The following PCSK5 variants were observed in gnomAD, a reference collection of about 807,000 sequenced individuals.
PCSK5 encodes prohormone convertase 5.
A neutral mutation model predicts 233.2 loss-of-function variants in PCSK5; 129 were observed. That is an observed-to-expected ratio of 0.55 (90% CI 0.48 to 0.64). PCSK5 has a LOEUF of 0.64. Among genes scored for constraint, PCSK5 ranks in the 30% least tolerant of loss-of-function variants. The pLI, the probability that PCSK5 is intolerant of heterozygous loss-of-function variation, is 0.00. For missense variants in PCSK5, 2,076 were observed against 2,430.1 expected (o/e 0.85, Z 3.06); for synonymous variants, 825 against 879.2 (o/e 0.94, Z 1.09).
At chr9:76,246,441 T>G (rs1826600660) in intron 24 of PCSK5, among the ~76,000 whole-genome samples, 1 of 151,850 alleles carries the variant, frequency 6.6e-6, no homozygotes, top group African/African-American at 2.4e-5. Context: ...TAGGCAAGGT[T>G]GTAGGAAAGC....
intron 5 of PCSK5, among the ~76,000 whole-genome samples, chr9:76,064,131 A>G (rs1376506397): frequency 1.6e-3 from 143 of 89,368 alleles, no homozygotes; most frequent in South Asian, 2.0e-3. Flanking sequence ...GGCTGGGCGG[A>G]GGGCTGACCC....
At chr9:75,968,172 AGTGCCTGGCACC>A (rs769612326) in intron 2 of PCSK5, among the ~76,000 whole-genome samples, 46 of 152,342 alleles carry the variant, frequency 3.0e-4, no homozygotes, top group South Asian at 8.3e-4. Flanking sequence ...TGCCTAGCAC[AGTGCCTGGCACC>A]TGATTGTGCT....
rs368843580 is a variant in PCSK5, at chr9:76,341,043, T to A, written c.4966+2596T>A. ...CAGCCTGGGCAACTTGGCGAAATCC[T>A]GTTTCTACAGAAAAAAAAAAAAAAT... is the stretch of plus-strand genomic sequence containing the variant. On this transcript the variant is annotated intron_variant, in intron 35 of 37. Coordinates refer to ENST00000674117, the MANE Select transcript of PCSK5 (RefSeq NM_001372043.1). 8.1e-3 allele frequency among the ~76,000 whole-genome samples: 1,150 copies of A among 142,784 alleles called. 13 individuals are homozygous for A. The highest frequency in any genetic ancestry group is 0.027 in the African/African-American group (1,054 of 38,870). The allele number at this position is 142,784 out of a possible 152,430, so 93.7% of individuals were successfully genotyped here.
intron 5 of PCSK5, among the ~76,000 whole-genome samples, chr9:76,033,486 AC>A (rs1429773529): frequency 1.3e-5 from 2 of 152,180 alleles, no homozygotes; most frequent in African/African-American, 4.8e-5. Context: ...CATAGTAGAT[AC>A]TTGATCAATG....
At chr9:76,244,640 C>CA (rs1176765741) in intron 24 of PCSK5, among the ~76,000 whole-genome samples, 12 of 111,298 alleles carry the variant, frequency 1.1e-4, no homozygotes, top group Middle Eastern at 4.5e-3. Flanking sequence ...TTATACCTAA[C>CA]AAAAAAAACC....
At chr9:76,326,371 G>A (rs975003449) in intron 32 of PCSK5, among the ~76,000 whole-genome samples, 7 of 150,638 alleles carry the variant, frequency 4.6e-5, no homozygotes, top group Non-Finnish European at 5.9e-5. Flanking sequence ...GGGTGACAGA[G>A]CAAGAACCTA....
chr9:76,182,419 C>T (rs1162163661), intron 16 of PCSK5, among the ~76,000 whole-genome samples: 1 of 152,114 alleles, frequency 6.6e-6, no homozygotes, highest in Non-Finnish European at 1.5e-5. Context: ...TGATCAGGTA[C>T]TGTAGTCCAC....
rs1281893997 is a variant in PCSK5 at position 76,191,958 on chromosome 9, A to C, written c.2626+2212A>C. 4.7e-5 allele frequency among the ~76,000 whole-genome samples: 7 copies of C among 147,526 alleles called. No individual in the cohort carries two copies. The East Asian group carries it at 1.4e-3, about 30-fold the overall frequency. On this transcript the variant is annotated intron_variant, in intron 20 of 37. Transcript: ENST00000674117. ...GCCAGGCATGGTAGCACGTACCTGTAATCCCAGCTACTTGGGTAGCTGAAG... is the reference window on the plus strand; with the variant it reads ...GCCAGGCATGGTAGCACGTACCTGTCATCCCAGCTACTTGGGTAGCTGAAG...
At chr9:76,285,245 G>T (rs10115735) in intron 24 of PCSK5, among the ~76,000 whole-genome samples, 18,629 of 152,174 alleles carry the variant, frequency 0.12, 1,454 homozygotes, top group African/African-American at 0.22. Context: ...ATATAGATGA[G>T]TAGACCAGAG....
At chr9:76,009,446 G>A (rs181252019) in intron 3 of PCSK5, among the ~76,000 whole-genome samples, 434 of 152,076 alleles carry the variant, frequency 2.9e-3, no homozygotes, top group Admixed American at 5.2e-3. Context: ...GGCCAACATG[G>A]TGAAACCCTG....
intron 24 of PCSK5, among the ~76,000 whole-genome samples, chr9:76,258,029 TCTCAGCTC>T (rs1424613262): frequency 1.3e-5 from 2 of 152,206 alleles, no homozygotes; most frequent in Non-Finnish European, 2.9e-5. Context: ...GATGTCTACC[TCTCAGCTC>T]CCTTTTCCAC....
intron 3 of PCSK5, among the ~76,000 whole-genome samples, chr9:76,014,875 T>G (rs1157980477): frequency 6.6e-6 from 1 of 152,198 alleles, no homozygotes; most frequent in Non-Finnish European, 1.5e-5. Flanking sequence ...GATTTCTAGA[T>G]CTTATTTATA....
At chr9:75,989,976 G>A (rs900348287) in intron 3 of PCSK5, among the ~76,000 whole-genome samples, 5 of 152,122 alleles carry the variant, frequency 3.3e-5, no homozygotes, top group African/African-American at 1.2e-4. Context: ...TTAACACAGT[G>A]CCTGACACCA....
chr9:76,274,737 A>G (rs4147196), intron 24 of PCSK5, among the ~76,000 whole-genome samples: 66,729 of 151,944 alleles, frequency 0.44, 15,252 homozygotes, highest in East Asian at 0.73. Flanking sequence ...GTTTTATTTT[A>G]TTGTATCTAC....
chr9:76,249,472 A>G (rs1826732204), intron 24 of PCSK5, among the ~76,000 whole-genome samples: 1 of 152,232 alleles, frequency 6.6e-6, no homozygotes, highest in Admixed American at 6.5e-5. Flanking sequence ...AAGTATTTTT[A>G]TTTTTATTTT....
chr9:75,920,653 A>C (rs1823215589), intron 1 of PCSK5, among the ~76,000 whole-genome samples: 1 of 151,998 alleles, frequency 6.6e-6, no homozygotes, highest in Non-Finnish European at 1.5e-5. Flanking sequence ...AAAAATACAA[A>C]AACTAGTTGT....
In PCSK5 at chr9:75,891,361, C is replaced by A. The variant is rs763863267; in HGVS notation, c.180C>A (p.Ile60=). ...ANRIASKYGF[I]NIGQIGALKD... The stretch of plus-strand genomic sequence containing the variant: ...GTATCGCCAGCAAGTACGGATTCAT[C>A]AACATAGGACAGGTAACGAACTACA... The change falls in exon 1 of 38, where the codon ATC becomes ATA. Residue 60 remains isoleucine (I), a synonymous_variant. Coordinates refer to ENST00000674117, the MANE Select transcript of PCSK5 (RefSeq NM_001372043.1). 7 of 1,555,196 alleles carry A rather than the reference C, an allele frequency of 4.5e-6. No individual in the cohort carries two copies. The East Asian group carries it at 1.8e-4, about 40-fold the overall frequency.
chr9:76,126,105 GT>G (rs1832839001), intron 9 of PCSK5, among the ~76,000 whole-genome samples: 2 of 151,934 alleles, frequency 1.3e-5, no homozygotes, highest in African/African-American at 4.8e-5. Flanking sequence ...TAGCTCATAA[GT>G]TTTTTTGAAA....
rs1015912603 is a variant in PCSK5, at chr9:76,239,136, A to G, written c.3044A>G (p.His1015Arg). 3 of 1,592,416 alleles carry G rather than the reference A, an allele frequency of 1.9e-6. No homozygotes were observed. Among genetic ancestry groups the G allele is most frequent in the Non-Finnish European group, 2.6e-6 (3 of 1,169,748 alleles). The change falls in exon 23 of 38, where the codon CAC (histidine) becomes CGC (arginine). Residue 1015 changes from histidine (H) to arginine (R), a missense_variant. Transcript: ENST00000674117. Reference protein sequence around the residue: ...MKGYFIAPTNHTCQKLECGQG... With the variant: ...MKGYFIAPTNRTCQKLECGQG... The stretch of plus-strand genomic sequence containing the variant: ...GGCTACTTCATAGCGCCCACCAACC[A>G]CACATGCCAGAAGTTAGAGTGTGGA...
Sources: allele counts gnomAD v4.1 joint callset (sites outside exome capture counted in the v4.1 genomes callset), GRCh38; gene constraint gnomAD v4.1.1; transcripts MANE v1.5; gene names NCBI Gene and HGNC (gene_info 2026-07-23, HGNC 2026-07-21).